Variants in SIPA1L3 observed in about 807,000 individuals in gnomAD.
SIPA1L3 encodes signal-induced proliferation-associated 1-like protein 3.
SIPA1L3 carries 59 observed loss-of-function variants against 150.1 expected under a neutral mutation model. That is an observed-to-expected ratio of 0.39 (90% CI 0.32 to 0.49). The LOEUF is 0.49. Among genes scored for constraint, SIPA1L3 ranks in the 20% least tolerant of loss-of-function variants. The pLI, the probability that SIPA1L3 is intolerant of heterozygous loss-of-function variation, is 0.86. For synonymous variants in SIPA1L3, 1,070 were observed against 1,077.6 expected (o/e 0.99, Z 0.14); for missense variants, 2,211 against 2,489.5 (o/e 0.89, Z 2.38).
At chr19:38,104,118 C>T (rs548821988) in intron 6 of SIPA1L3, among the ~76,000 whole-genome samples, 1 of 152,054 alleles carries the variant, frequency 6.6e-6, no homozygotes, top group East Asian at 1.9e-4. Flanking sequence ...ATTGCTCTTC[C>T]CCACACCTCG....
chr19:38,164,417 G>A lies in SIPA1L3; in HGVS notation c.3781-62G>A, dbSNP rs148460371. On this transcript the variant is annotated intron_variant, in intron 14 of 21. Coordinates refer to ENST00000222345, the MANE Select transcript of SIPA1L3 (RefSeq NM_015073.3). This position sits in a 1 kb window ranked among gnomAD's most constrained non-coding sequence, Gnocchi z 4.1. ...TCAGGCCCAGGCAGAGGGAGGACCC[G>A]GCAAGGGAAGATGCGCCCCTGCCCT... 617 of 1,501,374 alleles carry A rather than the reference G, an allele frequency of 4.1e-4. No individual in the cohort carries two copies. The African/African-American group carries it at 7.2e-3, about 17-fold the overall frequency. 93.0% of individuals were successfully genotyped at this position (1,501,374 alleles called of 1,614,324 possible).
chr19:38,150,999 G>C (rs1474933910), intron 12 of SIPA1L3, among the ~76,000 whole-genome samples: 1 of 152,200 alleles, frequency 6.6e-6, no homozygotes, highest in African/African-American at 2.4e-5. Flanking sequence ...AGGTTCCAGG[G>C]AGGGTGAACC....
intron 9 of SIPA1L3, among the ~76,000 whole-genome samples, chr19:38,125,037 G>GAGACCGTGGGGAGAGGGAGAGGGAGAGGT (rs1971141690): frequency 6.6e-6 from 1 of 151,176 alleles, no homozygotes; most frequent in Non-Finnish European, 1.5e-5. Context: ...GAGGGAGAGG[G>GAGACCGTGGGGAGAGGGAGAGGGAGAGGT]AGCTGTTTTG....
At chr19:37,951,827 G>A (rs1229122017) in intron 1 of SIPA1L3, among the ~76,000 whole-genome samples, 3 of 147,782 alleles carry the variant, frequency 2.0e-5, no homozygotes, top group Admixed American at 6.8e-5. Flanking sequence ...AACCCAGGAG[G>A]CGGAGGCTGC....
At chr19:38,196,083 CCT>C (rs917854243) in intron 18 of SIPA1L3, among the ~76,000 whole-genome samples, 5 of 152,136 alleles carry the variant, frequency 3.3e-5, no homozygotes, top group Admixed American at 6.5e-5. Flanking sequence ...GGACCCTGGG[CCT>C]CTCCATTTCT....
At chr19:38,136,014 C>T (rs1182280429) in intron 10 of SIPA1L3, among the ~76,000 whole-genome samples, 1 of 151,668 alleles carries the variant, frequency 6.6e-6, no homozygotes, top group Non-Finnish European at 1.5e-5. Context: ...CTTCCTCCTA[C>T]CCCCAGGCCA....
intron 13 of SIPA1L3, among the ~76,000 whole-genome samples, chr19:38,158,543 G>A (rs546319683): frequency 1.3e-5 from 2 of 152,310 alleles, no homozygotes; most frequent in African/African-American, 4.8e-5. Context: ...CTGTGCAGAG[G>A]AGGGGCAGGA....
intron 16 of SIPA1L3, among the ~76,000 whole-genome samples, chr19:38,188,750 G>A (rs970641011): frequency 1.3e-5 from 2 of 149,916 alleles, no homozygotes; most frequent in Admixed American, 6.6e-5. Flanking sequence ...GTGAAACCCC[G>A]TCTCTACTAA....
chr19:38,032,245 C>T (rs1452820480), intron 2 of SIPA1L3, among the ~76,000 whole-genome samples: 1 of 152,140 alleles, frequency 6.6e-6, no homozygotes, highest in East Asian at 1.9e-4. Flanking sequence ...TTGTTTTAAT[C>T]TAGCACATTC....
chr19:38,063,460 A>G (rs1194682898), intron 2 of SIPA1L3, among the ~76,000 whole-genome samples: 2 of 152,192 alleles, frequency 1.3e-5, no homozygotes, highest in African/African-American at 4.8e-5. Flanking sequence ...GGACTTTAAC[A>G]GATGTTCTTT....
chr19:37,989,575 G>A (rs945627485), intron 1 of SIPA1L3, among the ~76,000 whole-genome samples: 8 of 152,066 alleles, frequency 5.3e-5, no homozygotes. Flanking sequence ...ATGAAGACAT[G>A]GAGGTTCTGA....
At chr19:37,960,076 A>G (rs948425493) in intron 1 of SIPA1L3, among the ~76,000 whole-genome samples, 2 of 152,116 alleles carry the variant, frequency 1.3e-5, no homozygotes, top group South Asian at 2.1e-4. Context: ...TATTTATGCC[A>G]TCTTTTATAT....
Position 38,208,091 on chromosome 19 carries a change from G to A in SIPA1L3, c.*1851G>A, listed in dbSNP as rs1484928523. 1 of 148,138 alleles carries A rather than the reference G, an allele frequency of 6.8e-6. No homozygotes were observed. Among genetic ancestry groups the A allele is most frequent in the East Asian group, 2.0e-4 (1 of 4,976 alleles). The allele number at this position is 148,138 out of a possible 1,614,324, so 9.2% of individuals were successfully genotyped here. A position where few individuals can be genotyped will look rare whatever the true frequency, so the allele number is the denominator to read the frequency against. ...CTTCAGATCATTCGAATCATTTTGG[G>A]GACTTAATCATGTACATGGACAAGT... On this transcript the variant is annotated 3_prime_UTR_variant, in exon 22 of 22. Coordinates refer to ENST00000222345, the MANE Select transcript of SIPA1L3 (RefSeq NM_015073.3).
intron 12 of SIPA1L3, among the ~76,000 whole-genome samples, chr19:38,143,039 A>T (rs958504670): frequency 2.0e-5 from 3 of 152,148 alleles, no homozygotes; most frequent in Admixed American, 6.5e-5. Context: ...CCAGGCTGCC[A>T]GCATTACCCA....
At chr19:38,091,903 CA>C (rs36082931) in intron 4 of SIPA1L3, among the ~76,000 whole-genome samples, 4,290 of 144,350 alleles carry the variant, frequency 0.03, 195 homozygotes, top group African/African-American at 0.095. Context: ...ACTACAAATA[CA>C]AAAAAAAAAA....
chr19:38,037,647 T>A (rs1410888486), intron 2 of SIPA1L3, among the ~76,000 whole-genome samples: 1 of 152,088 alleles, frequency 6.6e-6, no homozygotes, highest in Non-Finnish European at 1.5e-5. Context: ...ACGACAAATA[T>A]CCCTGTTCTC....
rs551779048 is a variant in SIPA1L3, at chr19:38,117,838, T to G, written c.2292-1468T>G. 1.1e-4 allele frequency among the ~76,000 whole-genome samples: 16 copies of G among 152,134 alleles called. No homozygotes were observed. In the South Asian group the frequency reaches 2.7e-3, roughly 26 times the overall value. On this transcript the variant is annotated intron_variant, in intron 8 of 21. Transcript: ENST00000222345. ...TCTCTCTCTGTTGCCCAGCCTGGAG[T>G]GCAGTGGCACATTCTTGGCTCACTG...
chr19:38,081,772 C>T lies in SIPA1L3; in HGVS notation c.207C>T (p.Pro69=). 6.2e-7 allele frequency: 1 copy of T among 1,609,332 alleles called. No homozygotes were observed. The highest frequency in any genetic ancestry group is 8.5e-7 in the Non-Finnish European group (1 of 1,178,502). ...CCACCGCCACCACCCGCCCCAGCCC[C>T]ACCACTCCCGCAATGCCCAAGATGG... ...ATATATTRPS[P]TTPAMPKMGV... The change falls in exon 3 of 22, where the codon CCC becomes CCT. Residue 69 remains proline, a synonymous_variant. Transcript: ENST00000222345.
intron 2 of SIPA1L3, among the ~76,000 whole-genome samples, chr19:38,033,213 A>G (rs1968692426): frequency 6.6e-6 from 1 of 152,242 alleles, no homozygotes; most frequent in Admixed American, 6.5e-5. Flanking sequence ...TAGAAAAGGA[A>G]AGTGAAAAAT....
Sources: allele counts gnomAD v4.1 joint callset (sites outside exome capture counted in the v4.1 genomes callset), GRCh38; gene constraint gnomAD v4.1.1; non-coding constraint Gnocchi (gnomAD v3.1); transcripts MANE v1.5; gene names NCBI Gene and HGNC (gene_info 2026-07-23, HGNC 2026-07-21).